SHISA9: variants seen among roughly 807,000 people sequenced by gnomAD.
The protein encoded by SHISA9 is shisa family member 9.
In SHISA9, 13 loss-of-function variants were observed where a neutral mutation model predicts 38.0. The ratio of observed to expected loss-of-function variants is 0.34; its 90% CI spans 0.22 to 0.54. The LOEUF (loss-of-function observed/expected upper bound fraction) is 0.54. SHISA9 is among the 20% of genes least tolerant of loss of function. SHISA9 has a pLI of 0.91. For missense variants in SHISA9, 538 were observed against 575.8 expected, an observed-to-expected ratio of 0.93 and a Z score of 0.67; for synonymous variants, 275 against 242.0, an observed-to-expected ratio of 1.14 and a Z score of -1.27.
chr16:13,013,733 C>CT lies in SHISA9; in HGVS notation c.691+96930dup, dbSNP rs35548167. Among the ~76,000 whole-genome samples the CT allele has an allele frequency of 6.1e-3, 897 of 147,282 alleles. 6 individuals are homozygous for CT. Among genetic ancestry groups the CT allele is most frequent in the African/African-American group, 0.017 (683 of 40,428 alleles). ...GTCAAACAAGGCTGGAAAATAATAC[C>CT]TTTTTTTTTTTTGAGACGGAGTCTC... On this transcript the variant is annotated intron_variant, in intron 2 of 4. Transcript: ENST00000558583.
rs539858104 is a variant in SHISA9 at position 13,211,858 on chromosome 16, G to A, written c.848-1395G>A. On this transcript the variant is annotated intron_variant, in intron 3 of 4. Coordinates refer to ENST00000558583, the MANE Select transcript of SHISA9 (RefSeq NM_001145204.3). ...TCAGCGACTTGTTGGCTTGGTCAGCGTGTGGCCATCCACACAGGAAGAATG... is the reference window on the plus strand; with the variant it reads ...TCAGCGACTTGTTGGCTTGGTCAGCATGTGGCCATCCACACAGGAAGAATG... 2.6e-5 allele frequency among the ~76,000 whole-genome samples: 4 copies of A among 152,288 alleles called. No homozygotes were observed. In the East Asian group the frequency reaches 5.8e-4, roughly 22 times the overall value.
At chr16:13,354,303 T>TG in the SHISA9 span, among the ~76,000 whole-genome samples, 1 of 50,122 alleles carries the variant, frequency 2.0e-5, no homozygotes, top group South Asian at 1.3e-3. Flanking sequence ...GTGTGGCAAT[T>TG]AGGCCTGGTG....
chr16:13,244,655 G>A (rs535753747), downstream of SHISA9, among the ~76,000 whole-genome samples: 1 of 152,136 alleles, frequency 6.6e-6, no homozygotes, highest in Non-Finnish European at 1.5e-5. Context: ...TAGTAGTTTA[G>A]TACTGAGGGA....
the SHISA9 span, among the ~76,000 whole-genome samples, chr16:13,403,113 A>AC: frequency 7.3e-6 from 1 of 136,834 alleles, no homozygotes; most frequent in East Asian, 2.1e-4. Context: ...CAAAAACACA[A>AC]AAAAAAAAAA....
intron 2 of SHISA9, among the ~76,000 whole-genome samples, chr16:12,964,152 T>C (rs1264803965): frequency 6.6e-6 from 1 of 152,224 alleles, no homozygotes; most frequent in African/African-American, 2.4e-5. Flanking sequence ...AGATCTGGTC[T>C]AAGGTGCTAA....
At chr16:13,562,428 G>A in the SHISA9 span, among the ~76,000 whole-genome samples, 1 of 151,978 alleles carries the variant, frequency 6.6e-6, no homozygotes, top group African/African-American at 2.4e-5. Context: ...TCAAGAGCTC[G>A]AGACCAGCCT....
At chr16:13,544,138 C>T in the SHISA9 span, among the ~76,000 whole-genome samples, 1 of 151,954 alleles carries the variant, frequency 6.6e-6, no homozygotes, top group Admixed American at 6.6e-5. Flanking sequence ...TGAGTATCTG[C>T]TAAGTACTTA....
At chr16:13,354,448 G>T in the SHISA9 span, among the ~76,000 whole-genome samples, 1 of 151,386 alleles carries the variant, frequency 6.6e-6, no homozygotes, top group African/African-American at 2.4e-5. Context: ...GAATAATGTG[G>T]GATTGAAGTC....
chr16:13,295,357 C>T, the SHISA9 span, among the ~76,000 whole-genome samples: 2 of 152,188 alleles, frequency 1.3e-5, no homozygotes, highest in Non-Finnish European at 2.9e-5. Context: ...TTCAGAGAAG[C>T]TGCTCAGTGG....
chr16:13,508,746 A>T, the SHISA9 span, among the ~76,000 whole-genome samples: 1 of 152,232 alleles, frequency 6.6e-6, no homozygotes, highest in South Asian at 2.1e-4. Context: ...GTATTTTCTC[A>T]TCACTGTTCA....
At chr16:13,390,840 T>G in the SHISA9 span, among the ~76,000 whole-genome samples, 1 of 152,224 alleles carries the variant, frequency 6.6e-6, no homozygotes, top group Non-Finnish European at 1.5e-5. Flanking sequence ...AGGTGACTTC[T>G]CTTGGCTGTG....
chr16:13,045,834 G>T (rs1156537665), intron 2 of SHISA9, among the ~76,000 whole-genome samples: 3 of 152,116 alleles, frequency 2.0e-5, no homozygotes, highest in African/African-American at 7.2e-5. Context: ...CTGCAGCTTG[G>T]CTCTCCTGAT....
chr16:13,302,311 G>T, the SHISA9 span, among the ~76,000 whole-genome samples: 1,350 of 152,224 alleles, frequency 8.9e-3, 20 homozygotes, highest in African/African-American at 0.031. Flanking sequence ...GAGTGCATGC[G>T]TCTATATTAG....
the SHISA9 span, among the ~76,000 whole-genome samples, chr16:13,527,311 C>T: frequency 6.6e-6 from 1 of 152,218 alleles, no homozygotes; most frequent in South Asian, 2.1e-4. Context: ...CTCCCTCCAT[C>T]TACAAGGTTC....
chr16:13,352,488 C>T, the SHISA9 span, among the ~76,000 whole-genome samples: 61 of 152,076 alleles, frequency 4.0e-4, no homozygotes, highest in African/African-American at 1.4e-3. Flanking sequence ...GTAGCTATAT[C>T]CAGCACCTCC....
the SHISA9 span, among the ~76,000 whole-genome samples, chr16:13,396,814 G>C: frequency 7.1e-4 from 108 of 151,930 alleles, no homozygotes; most frequent in Admixed American, 7.9e-4. Flanking sequence ...AGGGTGTCTG[G>C]GGGCACCCTC....
At chr16:13,541,795 G>T in the SHISA9 span, among the ~76,000 whole-genome samples, 1 of 152,140 alleles carries the variant, frequency 6.6e-6, no homozygotes, top group Non-Finnish European at 1.5e-5. Context: ...TCATCCATGT[G>T]AGCAGATCAG....
chr16:13,153,096 T>C (rs900510544), intron 2 of SHISA9, among the ~76,000 whole-genome samples: 1 of 152,124 alleles, frequency 6.6e-6, no homozygotes, highest in Non-Finnish European at 1.5e-5. Context: ...GATCCTACCC[T>C]CAAGTCTCCA....
chr16:13,345,670 T>A, the SHISA9 span, among the ~76,000 whole-genome samples: 1 of 152,090 alleles, frequency 6.6e-6, no homozygotes, highest in Non-Finnish European at 1.5e-5. Flanking sequence ...CTTTGACGAA[T>A]CACTACACTG....
Sources: allele counts gnomAD v4.1 joint callset (sites outside exome capture counted in the v4.1 genomes callset), GRCh38; gene constraint gnomAD v4.1.1; transcripts MANE v1.5; gene names NCBI Gene and HGNC (gene_info 2026-07-23, HGNC 2026-07-21).